PPP1R9A: variants seen among roughly 807,000 people sequenced by gnomAD.
The protein encoded by PPP1R9A is neurabin-1.
In PPP1R9A, 59 loss-of-function variants were observed where a neutral mutation model predicts 141.9. That is an observed-to-expected ratio of 0.42 (90% CI 0.34 to 0.52). The LOEUF (loss-of-function observed/expected upper bound fraction) is 0.52, where lower values mean the gene tolerates loss of function less well. Among genes scored for constraint, PPP1R9A ranks in the 20% least tolerant of loss-of-function variants. PPP1R9A has a pLI of 0.10. For missense variants in PPP1R9A, 1,444 were observed against 1,611.9 expected (o/e 0.90, Z 1.78); for synonymous variants, 500 against 569.7 (o/e 0.88, Z 1.74).
intron 2 of PPP1R9A, among the ~76,000 whole-genome samples, chr7:95,008,871 A>T (rs567871339): frequency 6.6e-6 from 1 of 152,116 alleles, no homozygotes; most frequent in African/African-American, 2.4e-5. Context: ...TTTTGGCACT[A>T]TTCACAATAG....
intron 2 of PPP1R9A, among the ~76,000 whole-genome samples, chr7:94,951,836 T>C (rs1038718679): frequency 5.3e-5 from 8 of 149,782 alleles, no homozygotes; most frequent in African/African-American, 2.0e-4. Flanking sequence ...TAAGACCATT[T>C]AGGACTTTTT....
intron 2 of PPP1R9A, among the ~76,000 whole-genome samples, chr7:95,095,882 T>TC (rs1229079472): frequency 6.6e-6 from 1 of 152,174 alleles, no homozygotes; most frequent in Non-Finnish European, 1.5e-5. Context: ...GGTTTTTTTT[T>TC]CCCACCATGT....
chr7:95,012,882 C>T (rs951952529), intron 2 of PPP1R9A, among the ~76,000 whole-genome samples: 1 of 152,152 alleles, frequency 6.6e-6, no homozygotes, highest in Non-Finnish European at 1.5e-5. Context: ...AGTCCTTTCC[C>T]TGTCAAGCTA....
chr7:95,202,126 A>G (rs1324391110), intron 6 of PPP1R9A, among the ~76,000 whole-genome samples: 1 of 152,214 alleles, frequency 6.6e-6, no homozygotes, highest in Non-Finnish European at 1.5e-5. Flanking sequence ...AGATTAACTT[A>G]CAATATATTG....
intron 2 of PPP1R9A, among the ~76,000 whole-genome samples, chr7:95,025,478 G>A (rs554208166): frequency 5.3e-5 from 8 of 152,272 alleles, no homozygotes; most frequent in African/African-American, 1.2e-4. Flanking sequence ...TGGGTAACCC[G>A]ACATTTCTCT....
intron 2 of PPP1R9A, among the ~76,000 whole-genome samples, chr7:94,914,226 G>C (rs976593090): frequency 6.6e-6 from 1 of 151,980 alleles, no homozygotes; most frequent in African/African-American, 2.4e-5. Flanking sequence ...TCTGTACTAG[G>C]TTAAAAATTC....
At chr7:95,015,557 T>C (rs545359857) in intron 2 of PPP1R9A, among the ~76,000 whole-genome samples, 3 of 152,092 alleles carry the variant, frequency 2.0e-5, no homozygotes, top group African/African-American at 7.2e-5. Context: ...GATAAAAGAT[T>C]GAGAAAAAAT....
At chr7:95,109,079 C>T (rs1820086603) in intron 2 of PPP1R9A, 1 of 152,160 alleles carries the variant, frequency 6.6e-6, no homozygotes, top group Non-Finnish European at 1.5e-5. Context: ...TAGGCATTTT[C>T]CATTGCAGTA....
At chr7:95,181,400 ATATT>A (rs1027897142) in intron 5 of PPP1R9A, among the ~76,000 whole-genome samples, 4 of 137,922 alleles carry the variant, frequency 2.9e-5, no homozygotes, top group Non-Finnish European at 6.1e-5. Flanking sequence ...GAGAATATAT[ATATT>A]CCATCATATA....
intron 7 of PPP1R9A, among the ~76,000 whole-genome samples, chr7:95,208,663 G>A (rs1048221429): frequency 3.0e-4 from 46 of 151,660 alleles, no homozygotes; most frequent in Admixed American, 3.0e-3. Flanking sequence ...GGCAGAGCTT[G>A]CAGTGAGCCG....
intron 2 of PPP1R9A, among the ~76,000 whole-genome samples, chr7:95,022,218 A>T (rs770517677): frequency 5.9e-5 from 9 of 151,976 alleles, no homozygotes; most frequent in Non-Finnish European, 1.0e-4. Flanking sequence ...TAGGTATTTT[A>T]TTCTCTTTGT....
At chr7:95,073,852 G>T (rs961251556) in intron 2 of PPP1R9A, among the ~76,000 whole-genome samples, 1 of 151,872 alleles carries the variant, frequency 6.6e-6, no homozygotes, top group South Asian at 2.1e-4. Context: ...AAAGTGCTGA[G>T]ATTATAGTCA....
At chr7:95,119,019 A>C (rs1282897744) in intron 3 of PPP1R9A, among the ~76,000 whole-genome samples, 3 of 151,818 alleles carry the variant, frequency 2.0e-5, no homozygotes, top group Admixed American at 6.6e-5. Context: ...AAAGAAAAAC[A>C]GAAAAAATGC....
At chr7:95,166,696 T>G (rs1831317927) in intron 5 of PPP1R9A, among the ~76,000 whole-genome samples, 1 of 152,120 alleles carries the variant, frequency 6.6e-6, no homozygotes. Context: ...CAAAAGGAGA[T>G]AAGGACAGAA....
chr7:95,082,824 C>T (rs759493700), intron 2 of PPP1R9A, among the ~76,000 whole-genome samples: 8 of 142,850 alleles, frequency 5.6e-5, no homozygotes, highest in Non-Finnish European at 9.0e-5. Context: ...CAGGCGAACT[C>T]GGCTCACTGC....
chr7:95,034,412 A>G (rs1808148962), intron 2 of PPP1R9A, among the ~76,000 whole-genome samples: 1 of 152,296 alleles, frequency 6.6e-6, no homozygotes, highest in African/African-American at 2.4e-5. Context: ...TTTCTCACAC[A>G]TCGTGTTTTG....
rs904825721 is a variant in PPP1R9A, at chr7:95,083,268, A to G, written c.1396-27991A>G. ...GGACAAAAGGGTATGATCTAATGATAATAAACTAGGGGAACTTGGCAATGT... is the reference window on the plus strand; with the variant it reads ...GGACAAAAGGGTATGATCTAATGATGATAAACTAGGGGAACTTGGCAATGT... On this transcript the variant is annotated intron_variant, in intron 2 of 19. Transcript: ENST00000433360. 2.0e-4 allele frequency among the ~76,000 whole-genome samples: 31 copies of G among 152,070 alleles called. 3 individuals are homozygous for G. Among genetic ancestry groups the G allele is most frequent in the African/African-American group, 7.5e-4 (31 of 41,336 alleles).
chr7:95,081,814 A>G (rs921844307), intron 2 of PPP1R9A, among the ~76,000 whole-genome samples: 3 of 152,216 alleles, frequency 2.0e-5, no homozygotes, highest in Non-Finnish European at 4.4e-5. Context: ...TTTAAGGAAA[A>G]TGACCATAAG....
Position 94,910,948 on chromosome 7 carries a change from G to T in PPP1R9A, c.835G>T (p.Val279Leu), listed in dbSNP as rs1184770432. The T allele has an allele frequency of 6.2e-7, 1 of 1,614,042 alleles. No individual in the cohort carries two copies. The highest frequency in any genetic ancestry group is 2.2e-5 in the East Asian group (1 of 44,908). ...EDAHKSNATP[V>L]PEVASKSTSL... is the part of the protein sequence containing the mutation. ...TGCTCACAAGAGTAATGCAACTCCA[G>T]TACCAGAAGTGGCTTCTAAAAGTAC... is the stretch of plus-strand genomic sequence containing the variant. The change falls in exon 2 of 20, where the codon GTA becomes TTA. Residue 279 changes from valine to leucine, a missense_variant. By Grantham distance (32) the Val-to-Leu change is conservative. Around this residue, in one of 5 missense-constraint regions of PPP1R9A, gnomAD observed 490 missense variants for 521.1 expected, o/e 0.94. Transcript: ENST00000433360. The surrounding 1 kb of genome is among the most constrained non-coding windows in gnomAD (Gnocchi z 4.5).
Sources: allele counts gnomAD v4.1 joint callset (sites outside exome capture counted in the v4.1 genomes callset), GRCh38; gene constraint gnomAD v4.1.1; regional missense constraint gnomAD v4.1.1; non-coding constraint Gnocchi (gnomAD v3.1); transcripts MANE v1.5; gene names NCBI Gene and HGNC (gene_info 2026-07-23, HGNC 2026-07-21).